The following CNKSR2 variants were observed in gnomAD, a reference collection of about 807,000 sequenced individuals.
CNKSR2 encodes connector enhancer of kinase suppressor of Ras 2.
CNKSR2 carries 14 observed loss-of-function variants against 84.4 expected under a neutral mutation model. That is an observed-to-expected ratio of 0.17 (90% CI 0.11 to 0.26). The LOEUF is 0.26. Ranked by LOEUF, CNKSR2 falls within the 10% of genes least tolerant of loss-of-function variation. The probability of loss-of-function intolerance (pLI) is 1.00; values close to 1 mark genes in which losing one functional copy is unlikely to be tolerated. For missense variants in CNKSR2, 485 were observed against 771.2 expected (o/e 0.63, Z 4.40); for synonymous variants, 275 against 277.9 (o/e 0.99, Z 0.10).
intron 4 of CNKSR2, among the ~76,000 whole-genome samples, chrX:21,456,345 T>G (rs1215897833): frequency 9.0e-6 from 1 of 111,494 alleles, no homozygotes; most frequent in Non-Finnish European, 1.9e-5. Flanking sequence ...GACTGAAAGT[T>G]TGTGCCCTTT....
chrX:21,492,283 AGAGGTAGATCTGG>A (rs1360389818), intron 6 of CNKSR2: 1 of 111,586 alleles, frequency 9.0e-6, no homozygotes, highest in Non-Finnish European at 1.9e-5. Flanking sequence ...TTCATTTGAA[AGAGGTAGATCTGG>A]GAACTTAAAA....
At chrX:21,642,119 G>A (rs1156488823) in intron 20 of CNKSR2, 15 of 747,028 alleles carry the variant, frequency 2.0e-5, no homozygotes, top group Non-Finnish European at 2.2e-5. Flanking sequence ...TTGACGTGCT[G>A]TATTGTACTA....
intron 1 of CNKSR2, among the ~76,000 whole-genome samples, chrX:21,415,812 TACAATACATATATACATATATAC>T (rs1198997400): frequency 3.1e-5 from 3 of 96,989 alleles, no homozygotes; most frequent in African/African-American, 1.1e-4. Context: ...TATACATATA[TACAATACATATATACATATATAC>T]ACACACACAC....
chrX:21,547,877 C>G (rs1265449487), intron 11 of CNKSR2, among the ~76,000 whole-genome samples: 2 of 111,836 alleles, frequency 1.8e-5, no homozygotes, highest in East Asian at 5.6e-4. Flanking sequence ...TCTTTGAAAC[C>G]AATGAGAACA....
intron 7 of CNKSR2, among the ~76,000 whole-genome samples, chrX:21,501,258 A>G (rs1214172883): frequency 9.1e-6 from 1 of 110,331 alleles, no homozygotes; most frequent in Non-Finnish European, 1.9e-5. Flanking sequence ...ATTATTTTGC[A>G]TTTCTGTTTG....
At chrX:21,547,931 G>A (rs1292213215) in intron 11 of CNKSR2, among the ~76,000 whole-genome samples, 2 of 112,122 alleles carry the variant, frequency 1.8e-5, no homozygotes, top group African/African-American at 6.5e-5. Context: ...TTAAAGCAGT[G>A]TGTAGAGGGA....
intron 2 of CNKSR2, among the ~76,000 whole-genome samples, chrX:21,431,411 C>T (rs1005351488): frequency 9.0e-6 from 1 of 111,286 alleles, no homozygotes; most frequent in Non-Finnish European, 1.9e-5. Flanking sequence ...ATTCTGAACT[C>T]TGTCTAGTCC....
At chrX:21,496,568 T>G (rs1215524045) in intron 6 of CNKSR2, among the ~76,000 whole-genome samples, 2 of 111,813 alleles carry the variant, frequency 1.8e-5, no homozygotes, top group Non-Finnish European at 3.8e-5. Flanking sequence ...TTTTTAGAAT[T>G]AAAATCTACC....
intron 1 of CNKSR2, among the ~76,000 whole-genome samples, chrX:21,406,692 A>G (rs895198616): frequency 4.5e-5 from 5 of 111,387 alleles, no homozygotes; most frequent in Non-Finnish European, 9.4e-5. Context: ...CATAAAGTTT[A>G]TGATCTCCCC....
At chrX:21,597,811 A>C (rs2092458357) in intron 17 of CNKSR2, among the ~76,000 whole-genome samples, 1 of 109,554 alleles carries the variant, frequency 9.1e-6, no homozygotes, top group Admixed American at 9.8e-5. Context: ...AATTATTATA[A>C]TTATATAATG....
intron 2 of CNKSR2, chrX:21,427,270 A>G (rs757251595): frequency 1.8e-5 from 2 of 111,057 alleles, no homozygotes; most frequent in South Asian, 3.8e-4. Context: ...AAATTTAAAC[A>G]CCATTTTTTT....
chrX:21,412,881 A>G (rs1408799744), intron 1 of CNKSR2, among the ~76,000 whole-genome samples: 1 of 111,906 alleles, frequency 8.9e-6, no homozygotes, highest in Non-Finnish European at 1.9e-5. Flanking sequence ...CATTTTAACC[A>G]TTGCATTTTT....
intron 1 of CNKSR2, among the ~76,000 whole-genome samples, chrX:21,413,659 A>C (rs987699064): frequency 1.8e-5 from 2 of 108,863 alleles, no homozygotes; most frequent in Admixed American, 2.0e-4. Context: ...CCATCCTTCT[A>C]CTCTGTTTAA....
At chrX:21,412,642 G>T (rs2147015979) in intron 1 of CNKSR2, among the ~76,000 whole-genome samples, 1 of 111,363 alleles carries the variant, frequency 9.0e-6, no homozygotes, top group African/African-American at 3.3e-5. Flanking sequence ...CAATAGAAAA[G>T]AAAATTGTAT....
rs2089881823 is a variant in CNKSR2 at position 21,380,445 on chromosome X, T to C, written c.64+5484T>C. ...CCTAGATTAGGGCTCAATTTGTTCT[T>C]TTTTTTTTTTTTTTTTTTTGAGATA... On this transcript the variant is annotated intron_variant, in intron 1 of 21. Transcript: ENST00000379510. 4.7e-5 allele frequency among the ~76,000 whole-genome samples: 3 copies of C among 63,835 alleles called. No homozygotes were observed. In the African/African-American group the frequency reaches 8.9e-4, roughly 19 times the overall value. The allele number at this position is 63,835 out of a possible 115,157, so 55.4% of individuals were successfully genotyped here.
At chrX:21,458,054 C>T (rs1283378988) in intron 4 of CNKSR2, among the ~76,000 whole-genome samples, 1 of 111,512 alleles carries the variant, frequency 9.0e-6, no homozygotes, top group Non-Finnish European at 1.9e-5. Context: ...TGTTTTCTTC[C>T]AGATGTGGCC....
chrX:21,507,767 A>C lies in CNKSR2; in HGVS notation c.810+6179A>C, dbSNP rs2091628207. ...AGTTGCTTTTTAATTTTGTCATTTA[A>C]GTTCCTGAATTAAATTTAAGCATGA... On this transcript the variant is annotated intron_variant, in intron 8 of 21. Coordinates refer to ENST00000379510, the MANE Select transcript of CNKSR2 (RefSeq NM_014927.5). 3.6e-5 allele frequency among the ~76,000 whole-genome samples: 4 copies of C among 111,702 alleles called. No individual in the cohort carries two copies. In the South Asian group the frequency reaches 1.5e-3, roughly 41 times the overall value.
At chrX:21,486,669 A>G (rs2091388343) in intron 5 of CNKSR2, among the ~76,000 whole-genome samples, 1 of 112,233 alleles carries the variant, frequency 8.9e-6, no homozygotes. Context: ...ATAGCTAATA[A>G]TAATGTTGTT....
chrX:21,517,226 A>G (rs897297104), intron 9 of CNKSR2, among the ~76,000 whole-genome samples: 2 of 110,225 alleles, frequency 1.8e-5, no homozygotes, highest in African/African-American at 6.6e-5. Flanking sequence ...CTGTACAAAA[A>G]ATTAAAAACT....
Sources: gnomAD v4.1 joint callset for allele counts (sites outside exome capture counted in the v4.1 genomes callset) on GRCh38, gnomAD v4.1.1 for gene constraint, MANE v1.5 for transcripts, NCBI Gene and HGNC (gene_info 2026-07-23, HGNC 2026-07-21) for gene names.